The following STAT6 variants were observed in gnomAD, a reference collection of about 807,000 sequenced individuals.
STAT6 encodes signal transducer and activator of transcription 6.
A neutral mutation model predicts 106.3 loss-of-function variants in STAT6; 45 were observed. The observed-to-expected ratio is 0.42, with a 90% confidence interval of 0.33 to 0.54. The LOEUF is 0.54. Among genes scored for constraint, STAT6 ranks in the 20% least tolerant of loss-of-function variants. The probability of loss-of-function intolerance (pLI) is 0.06; values close to 1 mark genes in which losing one functional copy is unlikely to be tolerated. For synonymous variants in STAT6, 413 were observed against 413.6 expected (o/e 1.00, Z 0.02); for missense variants, 797 against 1,062.2 (o/e 0.75, Z 3.47).
At position 57,104,493 on chromosome 12, in the gene STAT6, C is replaced by A. The variant is rs768499879; in HGVS notation, c.1183G>T (p.Gly395Cys). The A allele has an allele frequency of 1.9e-6, 3 of 1,611,780 alleles. No individual in the cohort carries two copies. Among genetic ancestry groups the A allele is most frequent in the Non-Finnish European group, 2.5e-6 (3 of 1,179,308 alleles). The stretch of plus-strand genomic sequence containing the variant: ...AGCTGGATGGGGAGTTTGCCGGGGC[C>A]AAGTGTGAAGCTGGCAGAGAAGAGC... ...AVLFSASFTL[G>C]PGKLPIQLQA... is the part of the protein sequence containing the mutation. The change falls in exon 11 of 22, where the codon GGC (glycine) becomes TGC (cysteine). Residue 395 changes from glycine to cysteine, a missense_variant. Transcript: ENST00000300134.
chr12:57,096,671 TC>T lies in STAT6; in HGVS notation c.2444del (p.Gly815GlufsTer27). 6.2e-7 allele frequency: 1 copy of T among 1,602,022 alleles called. No individual in the cohort carries two copies. Among genetic ancestry groups the T allele is most frequent in the Admixed American group, 1.8e-5 (1 of 56,090 alleles). ...GGAGGGGCTGTGCCCCCAAGGACCC[TC>T]CCCCCGACTCCCCTTGCCCCTCCAG... ...LLLEGQGESG[G>X]GSLGAQPLLQ... On this transcript the variant is annotated frameshift_variant, in exon 22 of 22. Coordinates refer to ENST00000300134, the MANE Select transcript of STAT6 (RefSeq NM_003153.5). LOFTEE classifies it high-confidence loss of function.
intron 1 of STAT6, among the ~76,000 whole-genome samples, chr12:57,109,650 TA>T (rs1240520416): frequency 1.3e-5 from 2 of 151,658 alleles, no homozygotes; most frequent in African/African-American, 2.4e-5. Context: ...TTTAGTAAGC[TA>T]GGAGGAAAGA....
intron 1 of STAT6, chr12:57,110,421 C>G (rs2034515039): frequency 6.6e-6 from 1 of 152,240 alleles, no homozygotes. Context: ...CTGGGATCCT[C>G]GTCCGCCCGC....
chr12:57,107,378 T>G (rs1479132354), intron 3 of STAT6, 64 bp from the exon 4 acceptor site: 1 of 1,494,838 alleles, frequency 6.7e-7, no homozygotes, highest in African/African-American at 1.4e-5. Flanking sequence ...ATCCCTCCAA[T>G]CCCCAGGCCT....
At chr12:57,097,293 T>A (rs1485626703) in intron 19 of STAT6, 160 bp from the exon 20 acceptor site, 1 of 498,626 alleles carries the variant, frequency 2.0e-6, no homozygotes, top group Non-Finnish European at 3.4e-6. Context: ...AGTCTTCTCA[T>A]CTGTAAAATG....
intron 13 of STAT6, chr12:57,100,708 A>AAGAGAG (rs1565684780): frequency 1.9e-5 from 1 of 53,338 alleles, no homozygotes; most frequent in South Asian, 2.4e-4. Flanking sequence ...AAGAGAAAGA[A>AAGAGAG]AGAAAGAAAG....
At chr12:57,105,840 C>T (rs906552892) in intron 7 of STAT6, 14 of 715,396 alleles carry the variant, frequency 2.0e-5, no homozygotes, top group South Asian at 4.0e-5. Flanking sequence ...TCTCCCCCGA[C>T]GGCTCTTGCA....
Position 57,099,354 on chromosome 12 carries a change from G to A in STAT6, c.1831C>T (p.Gln611Ter). 6.2e-7 allele frequency: 1 copy of A among 1,614,180 alleles called. No individual in the cohort carries two copies. Among genetic ancestry groups the A allele is most frequent in the Non-Finnish European group, 8.5e-7 (1 of 1,180,042 alleles). ...TTCTTGGGATAGAGATTTTTGAGCTGAGCAAGATCCCGGATTCGGTCCCCC... is the reference window on the plus strand; with the variant it reads ...TTCTTGGGATAGAGATTTTTGAGCTAAGCAAGATCCCGGATTCGGTCCCCC... ...SLGDRIRDLA[Q>*]LKNLYPKKPK... The change falls in exon 16 of 22, where the codon CAG becomes TAG. Residue 611 changes from glutamine to a stop codon, truncating the protein, a stop_gained. Coordinates refer to ENST00000300134, the MANE Select transcript of STAT6 (RefSeq NM_003153.5). LOFTEE classifies it high-confidence loss of function. The surrounding 1 kb of genome is among the most constrained non-coding windows in gnomAD (Gnocchi z 4.7).
At position 57,098,899 on chromosome 12, in the gene STAT6, G is replaced by C; in HGVS notation, c.1959C>G (p.Asp653Glu). 1 of 1,613,844 alleles carries C rather than the reference G, an allele frequency of 6.2e-7. No homozygotes were observed. The highest frequency in any genetic ancestry group is 1.7e-5 in the Admixed American group (1 of 59,998). The change falls in exon 18 of 22, where the codon GAC (aspartate) becomes GAG (glutamate). Residue 653 changes from aspartate to glutamate, a missense_variant. Physicochemically the swap from Asp to Glu is conservative, Grantham distance 45. Around this residue, in one of 4 missense-constraint regions of STAT6, gnomAD observed 222 missense variants for 354.6 expected, o/e 0.63. Transcript: ENST00000300134. The stretch of plus-strand genomic sequence containing the variant: ...GGAGCTCTGGGGTAGGAAGTGGTTG[G>C]TCCCTGGAGGAGGGAAGGAGGTACA... ...PATIKMTVER[D>E]QPLPTPELQM...
At chr12:57,100,184 A>T (rs1378341889) in intron 13 of STAT6, 94 bp from the exon 14 acceptor site, 3 of 1,062,246 alleles carry the variant, frequency 2.8e-6, no homozygotes, top group Non-Finnish European at 4.3e-6. Flanking sequence ...CTCACGACAG[A>T]ATCACAGGGC....
At chr12:57,098,135 TC>T (rs1450165565) in intron 19 of STAT6, among the ~76,000 whole-genome samples, 9 of 152,200 alleles carry the variant, frequency 5.9e-5, no homozygotes, top group Admixed American at 1.3e-4. Context: ...CATTAAGTGA[TC>T]CACGACTGGA....
chr12:57,096,617 C>T lies in STAT6; in HGVS notation c.2499G>A (p.Gly833=), dbSNP rs751089743. ...TTAGGTCCATGTGGGACATTGAGAT[C>T]CCAGATTGCCCATAGTGGGAGGGCT... is the stretch of plus-strand genomic sequence containing the variant. The part of the protein sequence containing the change: ...LLQPSHYGQS[G]ISMSHMDLRA... The change falls in exon 22 of 22, where the codon GGG becomes GGA. Residue 833 remains glycine, a synonymous_variant. Coordinates refer to ENST00000300134, the MANE Select transcript of STAT6 (RefSeq NM_003153.5). The T allele has an allele frequency of 6.2e-7, 1 of 1,607,958 alleles. No homozygotes were observed. The highest frequency in any genetic ancestry group is 1.1e-5 in the South Asian group (1 of 90,398).
At chr12:57,110,018 C>T (rs1231232650) in intron 1 of STAT6, 3 of 152,326 alleles carry the variant, frequency 2.0e-5, no homozygotes, top group East Asian at 3.9e-4. Flanking sequence ...CCTTCATGCC[C>T]CTCTTTCCTC....
At position 57,097,088 on chromosome 12, in the gene STAT6, G is replaced by C. The variant is rs148269360; in HGVS notation, c.2205C>G (p.Pro735=). The change falls in exon 20 of 22, where the codon CCC becomes CCG. Residue 735 remains proline (P), a synonymous_variant. Coordinates refer to ENST00000300134, the MANE Select transcript of STAT6 (RefSeq NM_003153.5). ...MPPSLGQMSL[P]FDQPHPQGLL... ...CTCACTGGGGGTGAGGCTGGTCAAA[G>C]GGCAGGCTCATCTGGCCCAGGCTGG... 1.3e-6 allele frequency: 2 copies of C among 1,534,312 alleles called. No individual in the cohort carries two copies. Among genetic ancestry groups the C allele is most frequent in the Non-Finnish European group, 1.8e-6 (2 of 1,140,564 alleles).
chr12:57,108,223 T>C lies in STAT6; in HGVS notation c.56A>G (p.Tyr19Cys), dbSNP rs1337779301. The C allele has an allele frequency of 3.7e-6, 6 of 1,613,112 alleles. No individual in the cohort carries two copies. The African/African-American group carries it at 4.0e-5, about 11-fold the overall frequency. ...CCGCAGGTGTTGGGGAAAGTCGACA[T>C]AGAGCCGCTGCACTTTTTCTGGGGG... ...KMPPEKVQRL[Y>C]VDFPQHLRHL... Residue 19 changes from tyrosine to cysteine, a missense_variant, in exon 2 of 22, where the codon TAT becomes TGT. This residue lies in a region of STAT6 where 336 missense variants were observed against 429.8 expected (regional missense o/e 0.78). Transcript: ENST00000300134.
chr12:57,098,363 A>G (rs2033586314), intron 19 of STAT6, 142 bp downstream of exon 19: 3 of 849,676 alleles, frequency 3.5e-6, no homozygotes, highest in Non-Finnish European at 5.8e-6. Context: ...CTTAACTACT[A>G]CCCCCTCATT....
In STAT6 at chr12:57,106,171, C is replaced by G. The variant is rs2034263658; in HGVS notation, c.680+20G>C. ...CCCACCCCCAGCTTGCCCCCTCTTC[C>G]CCATCAGCCCTAGCCCAACCTCTCC... On this transcript the variant is annotated intron_variant, in intron 7 of 21. Transcript: ENST00000300134. 2.5e-6 allele frequency: 4 copies of G among 1,612,928 alleles called. No individual in the cohort carries two copies. The highest frequency in any genetic ancestry group is 1.3e-5 in the African/African-American group (1 of 74,918).
chr12:57,100,134 G>A (rs879131520), intron 13 of STAT6, 44 bp from the exon 14 acceptor site: 1 of 1,529,930 alleles, frequency 6.5e-7, no homozygotes, highest in Non-Finnish European at 8.9e-7. Flanking sequence ...GAGGGCCAGA[G>A]CTGGAGCCTG....
Position 57,107,479 on chromosome 12 carries a change from G to A in STAT6, c.255+126C>T, listed in dbSNP as rs1335603000. On this transcript the variant is annotated intron_variant, in intron 3 of 21. Transcript: ENST00000300134. The stretch of plus-strand genomic sequence containing the variant: ...CTTTTAAAATCTAATTTGCCTGCTA[G>A]CTAGCAGTTAACCACAGGAACACCA... 1.1e-5 allele frequency: 15 copies of A among 1,369,414 alleles called. No homozygotes were observed. The Admixed American group carries it at 2.8e-4, about 26-fold the overall frequency. The allele number at this position is 1,369,414 out of a possible 1,614,324, so 84.8% of individuals were successfully genotyped here.
Sources: gnomAD v4.1 joint callset for allele counts (sites outside exome capture counted in the v4.1 genomes callset) on GRCh38, gnomAD v4.1.1 for gene constraint, gnomAD v4.1.1 regional missense constraint, Gnocchi (gnomAD v3.1) non-coding constraint, MANE v1.5 for transcripts, NCBI Gene and HGNC (gene_info 2026-07-23, HGNC 2026-07-21) for gene names.